DMD: variants seen among roughly 807,000 people sequenced by gnomAD.
The protein encoded by DMD is mutant dystrophin.
Under a neutral mutation model 330.1 loss-of-function variants are expected in DMD, and 63 were observed. That is an observed-to-expected ratio of 0.19 (90% CI 0.16 to 0.24). The LOEUF is 0.24. DMD is among the 10% of genes least tolerant of loss of function. The pLI is 1.00. For missense variants in DMD, 3,344 were observed against 2,684.1 expected, an observed-to-expected ratio of 1.25 and a Z score of -5.43; for synonymous variants, 1,223 against 959.8, an observed-to-expected ratio of 1.27 and a Z score of -5.07.
At chrX:31,206,557 T>C (rs1449698573) in intron 66 of DMD, 25 bp downstream of exon 66, 2 of 1,142,290 alleles carry the variant, frequency 1.8e-6, no homozygotes, top group Non-Finnish European at 2.4e-6. Context: ...AATAAAAGAA[T>C]ACAGCATTAA....
intron 7 of DMD, among the ~76,000 whole-genome samples, chrX:32,787,419 C>G (rs1399879167): frequency 9.1e-6 from 1 of 110,405 alleles, no homozygotes; most frequent in Non-Finnish European, 1.9e-5. Context: ...ACCAGAAAAC[C>G]AGAATGAGTG....
intron 7 of DMD, among the ~76,000 whole-genome samples, chrX:32,783,369 T>C (rs983127605): frequency 9.6e-6 from 1 of 103,977 alleles, no homozygotes; most frequent in Non-Finnish European, 2.0e-5. Flanking sequence ...TACACACATA[T>C]ATATACACAT....
intron 62 of DMD, among the ~76,000 whole-genome samples, chrX:31,293,199 G>GTGTGT (rs1569519847): frequency 1.4e-4 from 7 of 48,560 alleles, no homozygotes; most frequent in African/African-American, 5.6e-4. Flanking sequence ...TGTGTAGTCT[G>GTGTGT]GTTTAGTGTG....
In DMD at chrX:32,574,310, T is replaced by A. The variant is rs1044201525; in HGVS notation, c.1603-464A>T. On this transcript the variant is annotated intron_variant, in intron 13 of 78. Coordinates refer to ENST00000357033, the MANE Select transcript of DMD (RefSeq NM_004006.3). The stretch of plus-strand genomic sequence containing the variant: ...CTACCATTTGGATTGTAGAAGAAAA[T>A]TCTTAGTAACTTAAATTCTATTACT... Among the ~76,000 whole-genome samples the A allele has an allele frequency of 2.7e-5, 3 of 112,136 alleles. No homozygotes were observed. In the Admixed American group the frequency reaches 2.8e-4, roughly 11 times the overall value.
At chrX:32,489,895 G>C (rs2042834783) in intron 20 of DMD, among the ~76,000 whole-genome samples, 1 of 111,769 alleles carries the variant, frequency 8.9e-6, no homozygotes, top group African/African-American at 3.3e-5. Context: ...AAATTCCTTA[G>C]ATGTGTGTAT....
chrX:31,961,742 T>TTTTTTTTTGTTTTTTTTTTTTG (rs1569523660), intron 45 of DMD, among the ~76,000 whole-genome samples: 6 of 90,413 alleles, frequency 6.6e-5, no homozygotes, highest in East Asian at 3.3e-4. Context: ...AGGAAGCGGT[T>TTTTTTTTTGTTTTTTTTTTTTG]TTTTTTTTTT....
chrX:32,206,000 T>G lies in DMD; in HGVS notation c.6438+10916A>C, dbSNP rs1398574813. 3.2e-5 allele frequency: 15 copies of G among 472,265 alleles called. No homozygotes were observed. The African/African-American group carries it at 3.6e-4, about 11-fold the overall frequency. 38.9% of individuals were successfully genotyped at this position (472,265 alleles called of 1,213,427 possible). A position where few individuals can be genotyped will look rare whatever the true frequency, so the allele number is the denominator to read the frequency against. ...ACTTTAAGGTGGATAATAATGAAATTGAGCAACAGTTATCTTTAAGAACGG... is the reference window on the plus strand; with the variant it reads ...ACTTTAAGGTGGATAATAATGAAATGGAGCAACAGTTATCTTTAAGAACGG... On this transcript the variant is annotated intron_variant, in intron 44 of 78. Coordinates refer to ENST00000357033, the MANE Select transcript of DMD (RefSeq NM_004006.3).
At chrX:31,425,471 T>C (rs763695489) in intron 60 of DMD, among the ~76,000 whole-genome samples, 1 of 111,947 alleles carries the variant, frequency 8.9e-6, no homozygotes, top group East Asian at 2.8e-4. Context: ...TGTTCCTTGG[T>C]AAAGAAGCTC....
intron 30 of DMD, among the ~76,000 whole-genome samples, chrX:32,403,203 C>A (rs1032884530): frequency 1.8e-5 from 2 of 111,527 alleles, no homozygotes; most frequent in East Asian, 2.8e-4. Context: ...CATTTTAGAT[C>A]GATAAATTTT....
intron 51 of DMD, among the ~76,000 whole-genome samples, chrX:31,739,191 T>C (rs1365426845): frequency 4.5e-5 from 5 of 111,395 alleles, no homozygotes; most frequent in Non-Finnish European, 9.4e-5. Context: ...ACATCTCAAG[T>C]ACCAAATAAA....
chrX:31,380,287 C>G (rs2060106054), intron 60 of DMD, among the ~76,000 whole-genome samples: 1 of 110,739 alleles, frequency 9.0e-6, no homozygotes. Context: ...ACTAAATGAT[C>G]TGCTTCCCTG....
At chrX:32,789,165 T>G (rs1410388997) in intron 7 of DMD, among the ~76,000 whole-genome samples, 2 of 112,022 alleles carry the variant, frequency 1.8e-5, no homozygotes, top group Non-Finnish European at 3.8e-5. Flanking sequence ...AAGGCAAGTT[T>G]CTTAATCCTA....
At chrX:33,259,538 T>G (rs1263026370) in intron 1 of DMD, among the ~76,000 whole-genome samples, 3 of 107,059 alleles carry the variant, frequency 2.8e-5, no homozygotes. Context: ...CATTTTGGAT[T>G]TCAAATTTTC....
At chrX:32,061,352 G>C (rs147646447) in intron 44 of DMD, among the ~76,000 whole-genome samples, 3 of 111,087 alleles carry the variant, frequency 2.7e-5, no homozygotes, top group Non-Finnish European at 5.7e-5. Flanking sequence ...CACTGGGCTC[G>C]TATTCCTCAT....
chrX:32,661,052 T>G (rs1392225149), intron 9 of DMD, among the ~76,000 whole-genome samples: 1 of 111,323 alleles, frequency 9.0e-6, no homozygotes. Flanking sequence ...TCAAGTACCA[T>G]ATATTACATC....
At chrX:31,672,258 A>C (rs1814406461) in intron 53 of DMD, among the ~76,000 whole-genome samples, 1 of 112,346 alleles carries the variant, frequency 8.9e-6, no homozygotes, top group African/African-American at 3.2e-5. Flanking sequence ...TGGTCATAAA[A>C]TCTGCATTGT....
At chrX:31,497,791 C>T (rs2070021702) in intron 56 of DMD, among the ~76,000 whole-genome samples, 1 of 112,225 alleles carries the variant, frequency 8.9e-6, no homozygotes, top group African/African-American at 3.2e-5. Context: ...AGAGGAAACG[C>T]AGTGTTAGCA....
intron 44 of DMD, among the ~76,000 whole-genome samples, chrX:32,154,550 T>C (rs990355752): frequency 9.0e-6 from 1 of 111,691 alleles, no homozygotes; most frequent in Non-Finnish European, 1.9e-5. Flanking sequence ...AGGTTCAACC[T>C]AGTGTTTCTT....
At chrX:31,589,009 C>G (rs1479061524) in intron 55 of DMD, among the ~76,000 whole-genome samples, 1 of 108,235 alleles carries the variant, frequency 9.2e-6, no homozygotes. Context: ...AGTTTATGCC[C>G]TTCATTTCAA....
Sources: gnomAD v4.1 joint callset for allele counts (sites outside exome capture counted in the v4.1 genomes callset) on GRCh38, gnomAD v4.1.1 for gene constraint, MANE v1.5 for transcripts, NCBI Gene and HGNC (gene_info 2026-07-23, HGNC 2026-07-21) for gene names.